The following JCAD variants were observed in gnomAD, a reference collection of about 807,000 sequenced individuals.
JCAD encodes the protein junctional cadherin 5 associated, also known as junctional cadherin 5-associated protein.
A neutral mutation model predicts 98.0 loss-of-function variants in JCAD; 40 were observed. The observed-to-expected ratio is 0.41, with a 90% CI of 0.32 to 0.53. The LOEUF (loss-of-function observed/expected upper bound fraction) is 0.53, where lower values mean the gene tolerates loss of function less well. JCAD is among the 20% of genes least tolerant of loss of function. The probability of loss-of-function intolerance (pLI) is 0.31; values close to 1 mark genes in which losing one functional copy is unlikely to be tolerated. For synonymous variants in JCAD, 691 were observed against 682.3 expected (o/e 1.01, Z -0.20); for missense variants, 1,705 against 1,738.1 (o/e 0.98, Z 0.34).
chr10:30,084,872 T>C (rs1838143951), intron 1 of JCAD, among the ~76,000 whole-genome samples: 1 of 152,138 alleles, frequency 6.6e-6, no homozygotes, highest in Non-Finnish European at 1.5e-5. Flanking sequence ...TATCTATCCA[T>C]CTACCCACAC....
intron 1 of JCAD, among the ~76,000 whole-genome samples, chr10:30,105,246 A>C (rs1381674280): frequency 6.6e-6 from 1 of 152,258 alleles, no homozygotes; most frequent in East Asian, 1.9e-4. Flanking sequence ...ATATCTAAAA[A>C]GATGAAAAGA....
intron 1 of JCAD, among the ~76,000 whole-genome samples, chr10:30,075,288 T>C (rs942856378): frequency 6.6e-6 from 1 of 152,182 alleles, no homozygotes; most frequent in South Asian, 2.1e-4. Context: ...ACAATCCTAG[T>C]TCCCCTCTGA....
intron 2 of JCAD, among the ~76,000 whole-genome samples, chr10:30,033,508 G>A (rs918665862): frequency 2.0e-5 from 3 of 152,138 alleles, no homozygotes; most frequent in African/African-American, 4.8e-5. Flanking sequence ...GAGGAGAGCC[G>A]GTCTTGCTGA....
intron 1 of JCAD, among the ~76,000 whole-genome samples, chr10:30,048,666 A>G (rs911264018): frequency 2.0e-5 from 3 of 152,078 alleles, no homozygotes; most frequent in African/African-American, 7.2e-5. Context: ...CCTGGGTTCA[A>G]GCGATTCTCC....
intron 2 of JCAD, among the ~76,000 whole-genome samples, chr10:30,041,547 T>C (rs905556463): frequency 1.3e-5 from 2 of 152,146 alleles, no homozygotes; most frequent in African/African-American, 4.8e-5. Context: ...AGAATGGATG[T>C]TTACTGATCA....
At position 30,027,613 on chromosome 10, in the gene JCAD, C is replaced by G; in HGVS notation, c.2535G>C (p.Glu845Asp). The stretch of plus-strand genomic sequence containing the variant: ...TGCTGCTGCTACTGCTGCTTTCTTC[C>G]TCTTCCTGGAGCTCCTTGTTAAAAC... ...LESFNKELQE[E>D]EESSSSSSSS... Residue 845 changes from glutamate (E) to aspartate (D), a missense_variant, in exon 3 of 4, where the codon GAG becomes GAC. Around this residue, in one of 3 missense-constraint regions of JCAD, gnomAD observed 1,278 missense variants for 1,243.1 expected, o/e 1.03. Coordinates refer to ENST00000375377, the MANE Select transcript of JCAD (RefSeq NM_020848.4). The G allele has an allele frequency of 1.2e-6, 2 of 1,614,174 alleles. No homozygotes were observed. The highest frequency in any genetic ancestry group is 1.7e-6 in the Non-Finnish European group (2 of 1,180,010).
chr10:30,085,568 A>G (rs1324876182), intron 1 of JCAD, among the ~76,000 whole-genome samples: 1 of 152,194 alleles, frequency 6.6e-6, no homozygotes, highest in African/African-American at 2.4e-5. Flanking sequence ...GATGGGATGA[A>G]GGAAGAGCTT....
At chr10:30,087,420 C>T (rs1203882470) in intron 1 of JCAD, among the ~76,000 whole-genome samples, 5 of 151,876 alleles carry the variant, frequency 3.3e-5, no homozygotes, top group South Asian at 2.1e-4. Flanking sequence ...GCCTGGGTGA[C>T]GGAGAGAGAC....
At chr10:30,055,957 CTT>C (rs34663544) in intron 1 of JCAD, among the ~76,000 whole-genome samples, 8,700 of 152,262 alleles carry the variant, frequency 0.057, 345 homozygotes, top group East Asian at 0.22. Context: ...TACACACACT[CTT>C]TCTCCTGTCT....
chr10:30,034,250 GATA>G lies in JCAD; in HGVS notation c.282-4387_282-4385del, dbSNP rs902856699. 8.2e-4 allele frequency among the ~76,000 whole-genome samples: 116 copies of G among 142,228 alleles called. 2 individuals carry two copies. The highest frequency in any genetic ancestry group is 1.7e-3 in the Admixed American group (25 of 14,710). The allele number at this position is 142,228 out of a possible 152,430, so 93.3% of individuals were successfully genotyped here. A position where few individuals can be genotyped will look rare whatever the true frequency, so the allele number is the denominator to read the frequency against. ...TAATAATAATAATAATAATAATAAT[GATA>G]ATAACAATAATTCTGTATCTACTTC... On this transcript the variant is annotated intron_variant, in intron 2 of 3. Coordinates refer to ENST00000375377, the MANE Select transcript of JCAD (RefSeq NM_020848.4).
chr10:30,113,543 A>G (rs1321303565), intron 1 of JCAD, among the ~76,000 whole-genome samples: 3 of 112,004 alleles, frequency 2.7e-5, no homozygotes, highest in Admixed American at 2.2e-4. Flanking sequence ...AGAGCGAGAC[A>G]CTGTCAAAAA....
chr10:30,031,677 A>G (rs1836996730), intron 2 of JCAD, among the ~76,000 whole-genome samples: 1 of 150,706 alleles, frequency 6.6e-6, no homozygotes, highest in Non-Finnish European at 1.5e-5. Flanking sequence ...CCTGACCTCA[A>G]GTCTTCCGCC....
chr10:30,113,396 C>T (rs1838739220), intron 1 of JCAD, among the ~76,000 whole-genome samples: 1 of 151,388 alleles, frequency 6.6e-6, no homozygotes, highest in Admixed American at 6.6e-5. Context: ...ACTAAAAATA[C>T]AAAAATCAAC....
chr10:30,092,048 A>AT (rs1838278587), intron 1 of JCAD, among the ~76,000 whole-genome samples: 13 of 30,228 alleles, frequency 4.3e-4, no homozygotes, highest in African/African-American at 2.1e-3. Flanking sequence ...AAAAAAAAAA[A>AT]AAAAAAAAAA....
chr10:30,095,327 G>A (rs1838351677), intron 1 of JCAD, among the ~76,000 whole-genome samples: 1 of 152,150 alleles, frequency 6.6e-6, no homozygotes, highest in Non-Finnish European at 1.5e-5. Context: ...CATTAAAATT[G>A]ATTCTACCCC....
In JCAD at chr10:30,031,482, C is replaced by T. The variant is rs529381932; in HGVS notation, c.282-1616G>A. On this transcript the variant is annotated intron_variant, in intron 2 of 3. Coordinates refer to ENST00000375377, the MANE Select transcript of JCAD (RefSeq NM_020848.4). ...TTTTTGAGACTGAGTCTCGCTTTCGCCCAGGCTGGAGTGCAGTGGCACAAT... is the reference window on the plus strand; with the variant it reads ...TTTTTGAGACTGAGTCTCGCTTTCGTCCAGGCTGGAGTGCAGTGGCACAAT... Among the ~76,000 whole-genome samples the T allele has an allele frequency of 1.2e-4, 18 of 147,084 alleles. No homozygotes were observed. The South Asian group carries it at 2.4e-3, about 20-fold the overall frequency.
chr10:30,038,157 G>A (rs557720133), intron 2 of JCAD, among the ~76,000 whole-genome samples: 7 of 152,176 alleles, frequency 4.6e-5, no homozygotes, highest in African/African-American at 7.2e-5. Context: ...AAGTTAAGTC[G>A]GAGGCCACGG....
chr10:30,044,379 G>C (rs1338140705), intron 2 of JCAD, among the ~76,000 whole-genome samples: 1 of 152,188 alleles, frequency 6.6e-6, no homozygotes, highest in Admixed American at 6.5e-5. Context: ...GGACATGAGT[G>C]GGGTGTTGAG....
chr10:30,077,473 T>C (rs12257987), intron 1 of JCAD, among the ~76,000 whole-genome samples: 2,350 of 152,272 alleles, frequency 0.015, 52 homozygotes, highest in African/African-American at 0.053. Context: ...ATTTAAAGTA[T>C]ACGTTTCAGT....
Sources: allele counts gnomAD v4.1 joint callset (sites outside exome capture counted in the v4.1 genomes callset), GRCh38; gene constraint gnomAD v4.1.1; regional missense constraint gnomAD v4.1.1; transcripts MANE v1.5; gene names NCBI Gene and HGNC (gene_info 2026-07-23, HGNC 2026-07-21).